Variants in TNPO3 observed in about 807,000 individuals in gnomAD.
The protein encoded by TNPO3 is transportin-3.
Under a neutral mutation model 122.8 loss-of-function variants are expected in TNPO3, and 65 were observed. That is an observed-to-expected ratio of 0.53 (90% CI 0.43 to 0.65). TNPO3 has a LOEUF of 0.65. Among genes scored for constraint, TNPO3 ranks in the 30% least tolerant of loss-of-function variants. The probability of loss-of-function intolerance (pLI) is 0.00; values close to 1 mark genes in which losing one functional copy is unlikely to be tolerated. For synonymous variants in TNPO3, 372 were observed against 411.2 expected (o/e 0.90, Z 1.15); for missense variants, 850 against 1,136.7 (o/e 0.75, Z 3.63).
intron 7 of TNPO3, among the ~76,000 whole-genome samples, chr7:128,999,375 C>T (rs915031934): frequency 1.3e-5 from 2 of 152,188 alleles, no homozygotes; most frequent in Admixed American, 6.5e-5. Flanking sequence ...GGAGTGATAA[C>T]TGCGTGGTGT....
rs999657094 is a variant in TNPO3 at position 128,991,873 on chromosome 7, C to T, written c.1358+126G>A. 37 of 509,018 alleles carry T rather than the reference C, an allele frequency of 7.3e-5. No homozygotes were observed. The Middle Eastern group carries it at 2.0e-3, about 28-fold the overall frequency. 31.5% of individuals were successfully genotyped at this position (509,018 alleles called of 1,614,324 possible). On this transcript the variant is annotated intron_variant, in intron 10 of 22. Coordinates refer to ENST00000265388, the MANE Select transcript of TNPO3 (RefSeq NM_012470.4). ...AGACTCTAGAAGTCAGAAGACTAGA[C>T]GGCACAACAGAAGTAAGAAGTTCTG...
chr7:129,044,625 G>A (rs1340871024), intron 1 of TNPO3, among the ~76,000 whole-genome samples: 1 of 152,156 alleles, frequency 6.6e-6, no homozygotes, highest in African/African-American at 2.4e-5. Flanking sequence ...GTTTATCTTA[G>A]AGGCTTCACC....
rs527363135 is a variant in TNPO3 at position 129,045,883 on chromosome 7, G to C, written c.120+8768C>G. 5.3e-5 allele frequency among the ~76,000 whole-genome samples: 8 copies of C among 152,180 alleles called. No homozygotes were observed. The South Asian group carries it at 1.7e-3, about 32-fold the overall frequency. ...CTATATTTGTACCGTACAGTACTTGGAATGTGGGTAAGTGCAAATAAGAAA... is the reference window on the plus strand; with the variant it reads ...CTATATTTGTACCGTACAGTACTTGCAATGTGGGTAAGTGCAAATAAGAAA... On this transcript the variant is annotated intron_variant, in intron 1 of 22. Transcript: ENST00000265388.
In TNPO3 at chr7:128,962,350, C is replaced by T. The variant is rs969212761; in HGVS notation, c.2711+4930G>A. On this transcript the variant is annotated intron_variant, in intron 21 of 22. Transcript: ENST00000265388. ...ACTGCAGTCCGCAGTCCGGCCTGGG[C>T]GACAGAGCGAGACTCCGTCTCAAAA... Among the ~76,000 whole-genome samples, 45 of 127,882 alleles carry T rather than the reference C, an allele frequency of 3.5e-4. No homozygotes were observed. In the Admixed American group the frequency reaches 3.6e-3, roughly 10 times the overall value. The allele number at this position is 127,882 out of a possible 152,430, so 83.9% of individuals were successfully genotyped here.
intron 18 of TNPO3, 61 bp downstream of exon 18, chr7:128,974,807 T>C (rs1798891467): frequency 7.4e-7 from 1 of 1,352,174 alleles, no homozygotes; most frequent in African/African-American, 1.4e-5. Context: ...AAGGGTCAGA[T>C]GGCAAGACTA....
At chr7:128,997,003 T>C (rs1801406113) in intron 8 of TNPO3, among the ~76,000 whole-genome samples, 2 of 152,174 alleles carry the variant, frequency 1.3e-5, no homozygotes, top group Admixed American at 6.5e-5. Context: ...GAATTACTGG[T>C]TTAGCTGGAG....
intron 22 of TNPO3, among the ~76,000 whole-genome samples, chr7:128,956,957 G>T (rs988373991): frequency 6.6e-6 from 1 of 152,216 alleles, no homozygotes; most frequent in Non-Finnish European, 1.5e-5. Context: ...GAAGGGGGAA[G>T]AAAATGTTTC....
chr7:129,005,499 T>C (rs1802473539), intron 4 of TNPO3, among the ~76,000 whole-genome samples: 1 of 152,192 alleles, frequency 6.6e-6, no homozygotes, highest in Non-Finnish European at 1.5e-5. Flanking sequence ...AGGAGGGTTC[T>C]GGTGGGAGGT....
rs780477552 is a variant in TNPO3, at chr7:129,015,036, C to T, written c.495G>A (p.Arg165=). The T allele has an allele frequency of 1.4e-5, 22 of 1,612,868 alleles. No homozygotes were observed. Among genetic ancestry groups the T allele is most frequent in the Non-Finnish European group, 1.8e-5 (21 of 1,179,820 alleles). Residue 165 remains arginine, a synonymous_variant, in exon 4 of 23, where the codon CGG becomes CGA. Coordinates refer to ENST00000265388, the MANE Select transcript of TNPO3 (RefSeq NM_012470.4). ...CCAAATCTTCTATAATTTCTGTGCGCCGATTAGCTCCAATTCGTAAGGAAC... is the reference window on the plus strand; with the variant it reads ...CCAAATCTTCTATAATTTCTGTGCGTCGATTAGCTCCAATTCGTAAGGAAC... ...HSRSLRIGAN[R]RTEIIEDLAF... is the part of the protein sequence containing the mutation.
chr7:129,024,396 G>A (rs1269245171), intron 1 of TNPO3, among the ~76,000 whole-genome samples: 1 of 152,128 alleles, frequency 6.6e-6, no homozygotes. Context: ...TCAGCATCCT[G>A]GATGCTGATT....
At chr7:129,032,079 A>ATCC (rs1806020274) in intron 1 of TNPO3, among the ~76,000 whole-genome samples, 1 of 94,220 alleles carries the variant, frequency 1.1e-5, no homozygotes, top group African/African-American at 3.6e-5. Context: ...AATAAATGTA[A>ATCC]TCCACATTAA....
intron 1 of TNPO3, among the ~76,000 whole-genome samples, chr7:129,020,671 A>T (rs1471089867): frequency 6.6e-6 from 1 of 151,568 alleles, no homozygotes; most frequent in African/African-American, 2.4e-5. Context: ...GAACTCCTAA[A>T]CTCAAGTGAT....
chr7:128,968,109 AG>A (rs1798100425), intron 20 of TNPO3, among the ~76,000 whole-genome samples: 1 of 152,196 alleles, frequency 6.6e-6, no homozygotes, highest in Admixed American at 6.5e-5. Flanking sequence ...TCCAGAGTAA[AG>A]GTTCAGATAC....
Position 129,000,629 on chromosome 7 carries a change from GGCACA to G in TNPO3, c.873-67_873-63del, listed in dbSNP as rs1801842196. The G allele has an allele frequency of 8.8e-6, 13 of 1,477,834 alleles. No individual in the cohort carries two copies. In the Admixed American group the frequency reaches 1.2e-4, roughly 13 times the overall value. 91.5% of individuals were successfully genotyped at this position (1,477,834 alleles called of 1,614,324 possible). A position where few individuals can be genotyped will look rare whatever the true frequency, so the allele number is the denominator to read the frequency against. On this transcript the variant is annotated intron_variant, in intron 6 of 22. Coordinates refer to ENST00000265388, the MANE Select transcript of TNPO3 (RefSeq NM_012470.4). ...AATCTGGATATTATAAGTATATACA[GGCACA>G]GTTAATCAAATAAATAAAAGGTTCC...
At chr7:129,051,263 T>C (rs1808729836) in intron 1 of TNPO3, among the ~76,000 whole-genome samples, 1 of 151,686 alleles carries the variant, frequency 6.6e-6, no homozygotes, top group African/African-American at 2.4e-5. Flanking sequence ...AAAAACTAGG[T>C]GACATTATTT....
intron 5 of TNPO3, 124 bp downstream of exon 5, chr7:129,004,892 G>T: frequency 1.2e-6 from 1 of 844,550 alleles, no homozygotes; most frequent in Non-Finnish European, 1.8e-6. Context: ...AAGGAACATT[G>T]CTGCATTCTT....
intron 19 of TNPO3, among the ~76,000 whole-genome samples, chr7:128,971,531 TTCTC>T (rs778591931): frequency 6.6e-6 from 1 of 152,252 alleles, no homozygotes; most frequent in Non-Finnish European, 1.5e-5. Flanking sequence ...AGTTATTTTC[TTCTC>T]TCTTTTACTG....
At chr7:129,056,166 G>T, upstream of TNPO3, 1 of 914,910 alleles carries the variant, frequency 1.1e-6, no homozygotes, top group Non-Finnish European at 1.8e-6. Context: ...TGCGTATAAC[G>T]AGTTGGCCCG....
intron 1 of TNPO3, among the ~76,000 whole-genome samples, chr7:129,037,685 C>T (rs1806858849): frequency 6.6e-6 from 1 of 152,068 alleles, no homozygotes; most frequent in African/African-American, 2.4e-5. Context: ...TGAACCCTTC[C>T]CTGAACAAAA....
Sources: allele counts gnomAD v4.1 joint callset (sites outside exome capture counted in the v4.1 genomes callset), GRCh38; gene constraint gnomAD v4.1.1; transcripts MANE v1.5; gene names NCBI Gene and HGNC (gene_info 2026-07-23, HGNC 2026-07-21).